PCSK5: variants seen among roughly 807,000 people sequenced by gnomAD.
The protein encoded by PCSK5 is prohormone convertase 5.
A neutral mutation model predicts 233.2 loss-of-function variants in PCSK5; 129 were observed. That is an observed-to-expected ratio of 0.55 (90% confidence interval 0.48 to 0.64). PCSK5 has a LOEUF of 0.64. Ranked by LOEUF, PCSK5 falls within the 30% of genes least tolerant of loss-of-function variation. PCSK5 has a pLI of 0.00. For synonymous variants in PCSK5, 825 were observed against 879.2 expected (o/e 0.94, Z 1.09); for missense variants, 2,076 against 2,430.1 (o/e 0.85, Z 3.06).
At chr9:76,038,378 T>G (rs1213756458) in intron 5 of PCSK5, among the ~76,000 whole-genome samples, 1 of 152,182 alleles carries the variant, frequency 6.6e-6, no homozygotes, top group Non-Finnish European at 1.5e-5. Context: ...TCATTTTAGT[T>G]TATGCTAGGT....
In PCSK5 at chr9:76,351,518, A is replaced by AAG. The variant is rs1183741673; in HGVS notation, c.5067+592_5067+593dup. Among the ~76,000 whole-genome samples, 20 of 123,548 alleles carry AAG rather than the reference A, an allele frequency of 1.6e-4. 5 individuals carry two copies. Among genetic ancestry groups the AAG allele is most frequent in the Non-Finnish European group, 3.4e-4 (19 of 55,628 alleles). The allele number at this position is 123,548 out of a possible 152,430, so 81.1% of individuals were successfully genotyped here. A position where few individuals can be genotyped will look rare whatever the true frequency, so the allele number is the denominator to read the frequency against. ...AAAGAAAGAAAGAAAGAAAGAAAGAAAGAAAGAAAGAAAGGAAGGAAAGAA... is the reference window on the plus strand; with the variant it reads ...AAAGAAAGAAAGAAAGAAAGAAAGAAAGAGAAAGAAAGAAAGGAAGGAAAGAA... On this transcript the variant is annotated intron_variant, in intron 36 of 37. Coordinates refer to ENST00000674117, the MANE Select transcript of PCSK5 (RefSeq NM_001372043.1).
chr9:76,137,133 G>A (rs1297252750), intron 10 of PCSK5, among the ~76,000 whole-genome samples: 1 of 152,076 alleles, frequency 6.6e-6, no homozygotes, highest in African/African-American at 2.4e-5. Flanking sequence ...AACAGGGAAG[G>A]GTTTCTCGTC....
chr9:76,325,886 C>A (rs1219556650), intron 32 of PCSK5, among the ~76,000 whole-genome samples: 1 of 152,190 alleles, frequency 6.6e-6, no homozygotes, highest in Non-Finnish European at 1.5e-5. Context: ...ATCTGCCCGT[C>A]TCTGCCTCCC....
At chr9:76,085,253 G>T (rs1422501846) in intron 7 of PCSK5, among the ~76,000 whole-genome samples, 1 of 152,160 alleles carries the variant, frequency 6.6e-6, no homozygotes, top group South Asian at 2.1e-4. Context: ...GATCATCCAG[G>T]CAACTGATTT....
intron 3 of PCSK5, among the ~76,000 whole-genome samples, chr9:75,987,058 A>C (rs1334101134): frequency 6.6e-6 from 1 of 152,132 alleles, no homozygotes; most frequent in African/African-American, 2.4e-5. Flanking sequence ...TATTCACTAT[A>C]CTACTTTAGT....
intron 20 of PCSK5, chr9:76,209,517 C>T (rs757631635): frequency 7.8e-6 from 4 of 515,632 alleles, no homozygotes; most frequent in African/African-American, 7.7e-5. Context: ...GTAGTAGGCG[C>T]TCAATAATTA....
chr9:76,355,335 T>C (rs904738924), intron 37 of PCSK5, among the ~76,000 whole-genome samples: 3 of 151,896 alleles, frequency 2.0e-5, no homozygotes, highest in Admixed American at 6.6e-5. Context: ...TAGCCAGGCG[T>C]GGTGGCGGGC....
At chr9:76,045,863 G>A (rs1829349147) in intron 5 of PCSK5, among the ~76,000 whole-genome samples, 1 of 152,182 alleles carries the variant, frequency 6.6e-6, no homozygotes, top group African/African-American at 2.4e-5. Context: ...TTGATAAAGG[G>A]TGTGGCGGGA....
At chr9:76,298,785 TAC>T (rs1762171738) in intron 27 of PCSK5, among the ~76,000 whole-genome samples, 2 of 152,184 alleles carry the variant, frequency 1.3e-5, no homozygotes, top group Admixed American at 6.5e-5. Flanking sequence ...CCAGGCAAAT[TAC>T]AGAGTGTTTT....
chr9:76,330,104 A>C (rs562936210), intron 33 of PCSK5, among the ~76,000 whole-genome samples: 2 of 152,306 alleles, frequency 1.3e-5, no homozygotes, highest in South Asian at 4.1e-4. Context: ...CTGTGGGGTT[A>C]CACTTTAAGA....
At chr9:76,179,742 A>G in intron 15 of PCSK5, 44 bp downstream of exon 15, 6 of 1,346,932 alleles carry the variant, frequency 4.5e-6, no homozygotes, top group Non-Finnish European at 6.4e-6. Context: ...TGTGCCAGGC[A>G]TCTTAGGAGT....
intron 8 of PCSK5, 84 bp downstream of exon 8, chr9:76,096,186 T>TAC (rs1179273346): frequency 4.1e-4 from 287 of 698,702 alleles, no homozygotes; most frequent in African/African-American, 7.7e-4. Context: ...AACATATATA[T>TAC]ATATACACAC....
rs552728247 is a variant in PCSK5 at position 75,954,889 on chromosome 9, G to A, written c.297+22406G>A. ...TTGATTGTGTAGTGGTTGCCTGTAC[G>A]TCTCTGAAATGCTATCTATTTGTAC... On this transcript the variant is annotated intron_variant, in intron 2 of 37. Coordinates refer to ENST00000674117, the MANE Select transcript of PCSK5 (RefSeq NM_001372043.1). Among the ~76,000 whole-genome samples the A allele has an allele frequency of 3.3e-5, 5 of 152,314 alleles. No individual in the cohort carries two copies. In the East Asian group the frequency reaches 7.7e-4, roughly 23 times the overall value.
intron 20 of PCSK5, among the ~76,000 whole-genome samples, chr9:76,225,895 G>A (rs1035007276): frequency 6.6e-5 from 10 of 152,176 alleles, no homozygotes; most frequent in Admixed American, 3.3e-4. Context: ...CTGGATGTCA[G>A]CCTCCACTGG....
intron 20 of PCSK5, among the ~76,000 whole-genome samples, chr9:76,222,140 C>G (rs1332952899): frequency 6.6e-6 from 1 of 151,966 alleles, no homozygotes; most frequent in Non-Finnish European, 1.5e-5. Flanking sequence ...AAGTTTTATT[C>G]ATATATCAAT....
chr9:76,150,288 C>T (rs1823615677), intron 10 of PCSK5, among the ~76,000 whole-genome samples: 1 of 152,022 alleles, frequency 6.6e-6, no homozygotes, highest in Non-Finnish European at 1.5e-5. Flanking sequence ...TTGGATCTGG[C>T]TGGAGTTGTT....
chr9:76,174,179 G>C (rs923887188), intron 13 of PCSK5, among the ~76,000 whole-genome samples: 5 of 151,992 alleles, frequency 3.3e-5, no homozygotes, highest in African/African-American at 9.7e-5. Context: ...TATCACATTG[G>C]ACAGCACAGG....
At chr9:76,176,447 A>G (rs1823620529) in intron 14 of PCSK5, among the ~76,000 whole-genome samples, 1 of 152,138 alleles carries the variant, frequency 6.6e-6, no homozygotes, top group Admixed American at 6.5e-5. Context: ...TCTGCTTCCC[A>G]TTTCCATAGC....
At chr9:75,952,089 A>T (rs938280233) in intron 2 of PCSK5, among the ~76,000 whole-genome samples, 1 of 152,162 alleles carries the variant, frequency 6.6e-6, no homozygotes, top group Non-Finnish European at 1.5e-5. Flanking sequence ...ACATCTATGC[A>T]CCTATCCGTC....
Sources: allele counts gnomAD v4.1 joint callset (sites outside exome capture counted in the v4.1 genomes callset), GRCh38; gene constraint gnomAD v4.1.1; transcripts MANE v1.5; gene names NCBI Gene and HGNC (gene_info 2026-07-23, HGNC 2026-07-21).